GYS2: variants seen among roughly 807,000 people sequenced by gnomAD.
GYS2 encodes the protein glycogen [starch] synthase, liver.
Under a neutral mutation model 85.6 loss-of-function variants are expected in GYS2, and 80 were observed. The observed-to-expected ratio is 0.93, with a 90% CI of 0.78 to 1.13. The LOEUF is 1.13. Ranked by LOEUF, GYS2 falls within the 50% of genes most tolerant of loss-of-function variation. GYS2 has a pLI of 0.00. For missense variants in GYS2, 881 were observed against 854.9 expected, an observed-to-expected ratio of 1.03 and a Z score of -0.38; for synonymous variants, 328 against 300.7, an observed-to-expected ratio of 1.09 and a Z score of -0.94.
chr12:21,591,080 G>A (rs998262545), intron 1 of GYS2, among the ~76,000 whole-genome samples: 3 of 151,978 alleles, frequency 2.0e-5, no homozygotes, highest in Non-Finnish European at 4.4e-5. Flanking sequence ...ACATAAAAAG[G>A]TGAAGAAATA....
intron 1 of GYS2, among the ~76,000 whole-genome samples, chr12:21,598,106 G>T (rs898633748): frequency 2.0e-5 from 3 of 152,036 alleles, no homozygotes; most frequent in African/African-American, 7.2e-5. Flanking sequence ...CAGGCAGTTA[G>T]ATAGAAGGAA....
At chr12:21,578,103 A>G (rs1336265195) in intron 2 of GYS2, among the ~76,000 whole-genome samples, 1 of 152,164 alleles carries the variant, frequency 6.6e-6, no homozygotes, top group African/African-American at 2.4e-5. Flanking sequence ...CCACTTCGGC[A>G]TTCTGTTACC....
intron 1 of GYS2, among the ~76,000 whole-genome samples, chr12:21,582,683 T>A (rs1944526433): frequency 6.6e-6 from 1 of 152,064 alleles, no homozygotes; most frequent in African/African-American, 2.4e-5. Context: ...CTAATACAGA[T>A]TTTGGTACCA....
chr12:21,544,615 C>G (rs916984339), intron 12 of GYS2, among the ~76,000 whole-genome samples: 1 of 152,100 alleles, frequency 6.6e-6, no homozygotes, highest in East Asian at 1.9e-4. Context: ...GAAACGTGTG[C>G]TTTATGTATC....
intron 1 of GYS2, among the ~76,000 whole-genome samples, chr12:21,590,167 C>T (rs549348172): frequency 6.6e-6 from 1 of 152,266 alleles, no homozygotes; most frequent in East Asian, 1.9e-4. Context: ...ACCCCGCACC[C>T]CTTCAAGAGC....
At chr12:21,537,402 AC>A (rs576909347) in intron 15 of GYS2, 156 of 556,438 alleles carry the variant, frequency 2.8e-4, no homozygotes, top group Middle Eastern at 9.7e-4. Flanking sequence ...AGTGTTATAT[AC>A]ATATTATTAT....
intron 1 of GYS2, among the ~76,000 whole-genome samples, chr12:21,589,869 C>T (rs533730722): frequency 6.6e-5 from 10 of 152,234 alleles, no homozygotes; most frequent in African/African-American, 2.4e-4. Context: ...ATTTTGAGAG[C>T]CCAACACCCA....
At chr12:21,600,590 C>T (rs1169299005) in intron 1 of GYS2, among the ~76,000 whole-genome samples, 5 of 152,048 alleles carry the variant, frequency 3.3e-5, no homozygotes, top group Non-Finnish European at 4.4e-5. Flanking sequence ...AAAAAACAGC[C>T]GAGTAGCCTA....
chr12:21,548,542 A>G (rs1452089629), intron 11 of GYS2, among the ~76,000 whole-genome samples: 1 of 152,190 alleles, frequency 6.6e-6, no homozygotes, highest in Non-Finnish European at 1.5e-5. Flanking sequence ...TTTAAAATTT[A>G]TATAATTTAA....
At chr12:21,581,054 C>A (rs1272755498) in intron 1 of GYS2, among the ~76,000 whole-genome samples, 2 of 152,146 alleles carry the variant, frequency 1.3e-5, no homozygotes, top group African/African-American at 2.4e-5. Flanking sequence ...AAGCACCAAG[C>A]AAAGTACCTT....
In GYS2 at chr12:21,563,220, A is replaced by T. The variant is rs757487189; in HGVS notation, c.941+8T>A. 2 of 1,507,352 alleles carry T rather than the reference A, an allele frequency of 1.3e-6. No individual in the cohort carries two copies. The highest frequency in any genetic ancestry group is 2.3e-5 in the East Asian group (1 of 44,296). 93.4% of individuals were successfully genotyped at this position (1,507,352 alleles called of 1,614,324 possible). ...ACTTCTTTTTCTTTTTAATAAAGAA[A>T]ATCATACCCATAGAAATGACCTCGA... On this transcript the variant is annotated splice_region_variant and intron_variant, in intron 6 of 15. Coordinates refer to ENST00000261195, the MANE Select transcript of GYS2 (RefSeq NM_021957.4).
chr12:21,553,047 A>G (rs1258313250), intron 11 of GYS2, among the ~76,000 whole-genome samples: 1 of 152,200 alleles, frequency 6.6e-6, no homozygotes, highest in Non-Finnish European at 1.5e-5. Context: ...TAAATGCAGC[A>G]CCTATTTATG....
rs2306180 is a variant in GYS2 at position 21,560,468 on chromosome 12, T to C, written c.1087A>G (p.Met363Val). 1,229,446 of 1,572,172 alleles carry C rather than the reference T, an allele frequency of 0.78. 482,680 individuals are homozygous for C. The highest frequency in any genetic ancestry group is 0.79 in the Non-Finnish European group (904,383 of 1,141,928). The part of the protein sequence containing the change: ...LRMHKSDITV[M>V]VFFIMPAKTN... Reference sequence around the variant, plus strand: ...TTGGCAGGCATAATGAAAAACACCATCACTGTGATGTCACTTTTATGCATC... The same window carrying C: ...TTGGCAGGCATAATGAAAAACACCACCACTGTGATGTCACTTTTATGCATC... The change falls in exon 8 of 16, where the codon ATG becomes GTG. Residue 363 changes from methionine to valine, a missense_variant. Transcript: ENST00000261195.
downstream of GYS2, chr12:21,535,164 T>C (rs1943899218): frequency 6.6e-6 from 1 of 152,226 alleles, no homozygotes; most frequent in Non-Finnish European, 1.5e-5. Flanking sequence ...ACACACTTAT[T>C]ATCATCAAAT....
At chr12:21,543,587 A>C (rs1944004167) in intron 12 of GYS2, among the ~76,000 whole-genome samples, 1 of 81,122 alleles carries the variant, frequency 1.2e-5, no homozygotes, top group East Asian at 4.0e-4. Flanking sequence ...TTCTTTTTTA[A>C]AAAATTTTAC....
chr12:21,574,299 C>A lies in GYS2; in HGVS notation c.523G>T (p.Val175Phe). 2 of 1,613,608 alleles carry A rather than the reference C, an allele frequency of 1.2e-6. No homozygotes were observed. Among genetic ancestry groups the A allele is most frequent in the Non-Finnish European group, 1.7e-6 (2 of 1,179,640 alleles). Residue 175 changes from valine to phenylalanine, a missense_variant, in exon 4 of 16, where the codon GTC becomes TTC. Coordinates refer to ENST00000261195, the MANE Select transcript of GYS2 (RefSeq NM_021957.4). ...TGCCATTCATGGAATTGGGCAACGACATATTTACCATCTGCATGATCTGTC... is the reference window on the plus strand; with the variant it reads ...TGCCATTCATGGAATTGGGCAACGAAATATTTACCATCTGCATGATCTGTC... ...EVTDHADGKY[V>F]VAQFHEWQAG...
intron 5 of GYS2, 118 bp from the exon 6 acceptor site, chr12:21,563,463 T>C: frequency 1.5e-6 from 1 of 647,638 alleles, no homozygotes; most frequent in Non-Finnish European, 2.8e-6. Context: ...ACTTTCTGAC[T>C]ACCATAAAAT....
chr12:21,557,834 G>A (rs921309713), intron 11 of GYS2, among the ~76,000 whole-genome samples: 6 of 152,124 alleles, frequency 3.9e-5, no homozygotes, highest in African/African-American at 1.4e-4. Context: ...GGGAGGCGGA[G>A]CTTGCAGTGA....
At chr12:21,585,668 G>C (rs1252260143) in intron 1 of GYS2, among the ~76,000 whole-genome samples, 1 of 152,002 alleles carries the variant, frequency 6.6e-6, no homozygotes, top group Non-Finnish European at 1.5e-5. Context: ...CTACGATCAC[G>C]TGACCAATTG....
Sources: gnomAD v4.1 joint callset for allele counts (sites outside exome capture counted in the v4.1 genomes callset) on GRCh38, gnomAD v4.1.1 for gene constraint, MANE v1.5 for transcripts, NCBI Gene and HGNC (gene_info 2026-07-23, HGNC 2026-07-21) for gene names.